Variants in MORC1 observed in about 807,000 individuals in gnomAD.
MORC1 encodes the protein MORC family CW-type zinc finger 1.
MORC1 carries 59 observed loss-of-function variants against 134.9 expected under a neutral mutation model. The ratio of observed to expected loss-of-function variants is 0.44; its 90% CI spans 0.35 to 0.54. The LOEUF (loss-of-function observed/expected upper bound fraction) is 0.54, where lower values mean the gene tolerates loss of function less well. Among genes scored for constraint, MORC1 ranks in the 20% least tolerant of loss-of-function variants. The probability of loss-of-function intolerance (pLI) is 0.00; values close to 1 mark genes in which losing one functional copy is unlikely to be tolerated. For missense variants in MORC1, 947 were observed against 1,134.5 expected, an observed-to-expected ratio of 0.83 and a Z score of 2.37; for synonymous variants, 395 against 391.7, an observed-to-expected ratio of 1.01 and a Z score of -0.10.
At chr3:109,061,728 T>C (rs562074928) in intron 11 of MORC1, among the ~76,000 whole-genome samples, 5 of 152,310 alleles carry the variant, frequency 3.3e-5, no homozygotes, top group African/African-American at 1.2e-4. Context: ...TGGGTTGTGA[T>C]GCTGTTCCCC....
chr3:109,023,420 C>T lies in MORC1; in HGVS notation c.1704+4331G>A, dbSNP rs16855257. ...TAGGGGACACATAAGCAATTCATCA[C>T]ACATTGCAGAAATATATTGATTATG... On this transcript the variant is annotated intron_variant, in intron 17 of 27. Coordinates refer to ENST00000232603, the MANE Select transcript of MORC1 (RefSeq NM_014429.4). Among the ~76,000 whole-genome samples, 280 of 152,336 alleles carry T rather than the reference C, an allele frequency of 1.8e-3. 1 individual carries two copies. The highest frequency in any genetic ancestry group is 6.4e-3 in the African/African-American group (268 of 41,582).
intron 4 of MORC1, among the ~76,000 whole-genome samples, chr3:109,102,660 G>GTCTGTGTTTCAAACATTTTGT (rs1950951399): frequency 6.6e-6 from 1 of 152,078 alleles, no homozygotes; most frequent in Non-Finnish European, 1.5e-5. Flanking sequence ...TCCGTCACTT[G>GTCTGTGTTTCAAACATTTTGT]TCTGTGTTTC....
At chr3:108,996,286 G>GCGCACACACACACACACACACACA in intron 21 of MORC1, among the ~76,000 whole-genome samples, 54 of 146,380 alleles carry the variant, frequency 3.7e-4, no homozygotes, top group African/African-American at 1.1e-3. Context: ...GCGCGCGCGC[G>GCGCACACACACACACACACACACA]CACACACACA....
intron 8 of MORC1, among the ~76,000 whole-genome samples, chr3:109,087,096 T>C (rs1442129342): frequency 6.6e-6 from 1 of 152,088 alleles, no homozygotes; most frequent in Non-Finnish European, 1.5e-5. Context: ...TTTGTAATAC[T>C]AATTGAAGCT....
intron 8 of MORC1, among the ~76,000 whole-genome samples, chr3:109,070,073 G>A (rs1950284678): frequency 1.3e-5 from 2 of 152,118 alleles, no homozygotes; most frequent in African/African-American, 2.4e-5. Context: ...TGTTGACCTA[G>A]GAGAACAAAG....
At chr3:108,999,644 G>A (rs931350024) in intron 21 of MORC1, among the ~76,000 whole-genome samples, 1 of 152,002 alleles carries the variant, frequency 6.6e-6, no homozygotes, top group Non-Finnish European at 1.5e-5. Flanking sequence ...CTAAAGACAC[G>A]TCCAAAGAGG....
At chr3:108,971,820 A>G (rs866263079) in intron 24 of MORC1, among the ~76,000 whole-genome samples, 2 of 141,142 alleles carry the variant, frequency 1.4e-5, no homozygotes, top group Non-Finnish European at 3.1e-5. Context: ...GAAGGAAGGA[A>G]GGAAGGAAGG....
At chr3:109,057,777 C>T (rs1331128120) in intron 12 of MORC1, among the ~76,000 whole-genome samples, 2 of 152,058 alleles carry the variant, frequency 1.3e-5, no homozygotes, top group Non-Finnish European at 2.9e-5. Flanking sequence ...ATTAACGGGT[C>T]GTATAGGTAC....
intron 24 of MORC1, among the ~76,000 whole-genome samples, chr3:108,975,800 T>C (rs1947533838): frequency 6.6e-6 from 1 of 152,074 alleles, no homozygotes; most frequent in African/African-American, 2.4e-5. Context: ...TTGAAAGAGA[T>C]TTGAAATGTA....
intron 6 of MORC1, among the ~76,000 whole-genome samples, chr3:109,098,640 T>C (rs777644773): frequency 1.3e-5 from 2 of 152,182 alleles, no homozygotes; most frequent in Admixed American, 1.3e-4. Context: ...ATCCATATCA[T>C]TGCTTTTGAT....
intron 21 of MORC1, 54 bp from the exon 22 acceptor site, chr3:108,987,003 A>G: frequency 7.4e-7 from 1 of 1,353,320 alleles, no homozygotes; most frequent in South Asian, 1.6e-5. Flanking sequence ...ACATATTATA[A>G]ACTTGACAAA....
chr3:109,078,649 T>G (rs1950468530), intron 8 of MORC1, among the ~76,000 whole-genome samples: 1 of 150,544 alleles, frequency 6.6e-6, no homozygotes, highest in African/African-American at 2.4e-5. Context: ...AAAAGAAAAA[T>G]AAACAAATCC....
At position 109,085,216 on chromosome 3, in the gene MORC1, A is replaced by G. The variant is rs1425992515; in HGVS notation, c.689+8220T>C. On this transcript the variant is annotated intron_variant, in intron 8 of 27. Coordinates refer to ENST00000232603, the MANE Select transcript of MORC1 (RefSeq NM_014429.4). ...TCTGTGTATGTGTCTGTGTGTGTGT[A>G]AGAACTCAAAAGCAAAGGTAATTAA... 2.0e-5 allele frequency among the ~76,000 whole-genome samples: 3 copies of G among 151,120 alleles called. No homozygotes were observed. The South Asian group carries it at 6.2e-4, about 31-fold the overall frequency.
intron 8 of MORC1, among the ~76,000 whole-genome samples, chr3:109,086,313 A>T (rs562087776): frequency 3.3e-5 from 5 of 152,184 alleles, no homozygotes; most frequent in African/African-American, 1.2e-4. Context: ...TTAACTTTAC[A>T]AATTATATGA....
At chr3:109,062,192 C>T in intron 10 of MORC1, 134 bp from the exon 11 acceptor site, 1 of 737,874 alleles carries the variant, frequency 1.4e-6, no homozygotes, top group Non-Finnish European at 2.3e-6. Context: ...CTATGTTCCT[C>T]TTATAACTTT....
chr3:109,027,308 T>C (rs13326002), intron 17 of MORC1, among the ~76,000 whole-genome samples: 29,037 of 152,244 alleles, frequency 0.19, 3,306 homozygotes, highest in Middle Eastern at 0.32. Context: ...CAATTAAATA[T>C]GCTTTGACTT....
chr3:108,986,474 A>G (rs1255138676), intron 22 of MORC1, among the ~76,000 whole-genome samples: 1 of 152,166 alleles, frequency 6.6e-6, no homozygotes, highest in Admixed American at 6.5e-5. Flanking sequence ...ACCTCAGAAG[A>G]ATCACGAAAA....
chr3:109,106,797 G>T (rs369463387), intron 3 of MORC1, among the ~76,000 whole-genome samples: 1 of 152,068 alleles, frequency 6.6e-6, no homozygotes, highest in Non-Finnish European at 1.5e-5. Context: ...TCACAACAGC[G>T]CCCTACCTTC....
At chr3:109,082,422 C>T (rs572771923) in intron 8 of MORC1, among the ~76,000 whole-genome samples, 2 of 152,008 alleles carry the variant, frequency 1.3e-5, no homozygotes, top group Admixed American at 6.6e-5. Flanking sequence ...AGAAGCAGGA[C>T]CTGCCCAAAC....
Sources: allele counts gnomAD v4.1 joint callset (sites outside exome capture counted in the v4.1 genomes callset), GRCh38; gene constraint gnomAD v4.1.1; transcripts MANE v1.5; gene names NCBI Gene and HGNC (gene_info 2026-07-23, HGNC 2026-07-21).